The following DIAPH2 variants were observed in gnomAD, a reference collection of about 807,000 sequenced individuals.
DIAPH2 encodes protein diaphanous homolog 2.
In DIAPH2, 35 loss-of-function variants were observed where a neutral mutation model predicts 92.7. The ratio of observed to expected loss-of-function variants is 0.38; its 90% CI spans 0.29 to 0.50. DIAPH2 has a LOEUF of 0.50. DIAPH2 is among the 20% of genes least tolerant of loss of function. DIAPH2 has a pLI of 0.94. For synonymous variants in DIAPH2, 301 were observed against 280.4 expected, an observed-to-expected ratio of 1.07 and a Z score of -0.73; for missense variants, 701 against 819.5, an observed-to-expected ratio of 0.86 and a Z score of 1.77.
At chrX:97,557,318 C>A (rs2071264362) in intron 26 of DIAPH2, among the ~76,000 whole-genome samples, 1 of 111,684 alleles carries the variant, frequency 9.0e-6, no homozygotes, top group Non-Finnish European at 1.9e-5. Flanking sequence ...GTGGGCAGAT[C>A]ACCTGAGGTC....
Position 96,798,044 on chromosome X carries a change from G to A in DIAPH2, c.447+39786G>A, listed in dbSNP as rs543431530. On this transcript the variant is annotated intron_variant, in intron 4 of 26. Transcript: ENST00000324765. ...GTGGTACATTTGGCTCTCCATATCT[G>A]CGGGTTTTGATCTGTAGTTGGTTGA... 1.2e-4 allele frequency among the ~76,000 whole-genome samples: 13 copies of A among 112,414 alleles called. No homozygotes were observed. The South Asian group carries it at 3.7e-3, about 32-fold the overall frequency.
chrX:97,386,615 C>A (rs1295227460), intron 25 of DIAPH2, among the ~76,000 whole-genome samples: 4 of 108,785 alleles, frequency 3.7e-5, no homozygotes, highest in Non-Finnish European at 7.6e-5. Flanking sequence ...TTGCAGTGAG[C>A]CGAGATCTCA....
At chrX:97,031,506 C>G (rs1277150337) in intron 17 of DIAPH2, among the ~76,000 whole-genome samples, 1 of 111,465 alleles carries the variant, frequency 9.0e-6, no homozygotes, top group Admixed American at 9.6e-5. Context: ...AAGCATCATT[C>G]CATCAAGGGA....
intron 25 of DIAPH2, among the ~76,000 whole-genome samples, chrX:97,414,653 CAAA>C (rs56828730): frequency 5.3e-5 from 2 of 37,760 alleles, no homozygotes; most frequent in Non-Finnish European, 5.3e-5. Context: ...GACTCTGTCT[CAAA>C]AAAAAAAAAA....
chrX:96,965,538 G>A (rs2065889176), intron 17 of DIAPH2, among the ~76,000 whole-genome samples: 1 of 111,349 alleles, frequency 9.0e-6, no homozygotes, highest in African/African-American at 3.2e-5. Context: ...CATCATGTAA[G>A]AGAAAATAAT....
At chrX:96,715,758 C>T (rs369796999) in intron 1 of DIAPH2, among the ~76,000 whole-genome samples, 7 of 111,054 alleles carry the variant, frequency 6.3e-5, no homozygotes, top group Non-Finnish European at 1.1e-4. Context: ...TGATGAGAAA[C>T]GATTAGGGTT....
chrX:96,886,460 CT>C (rs2065263022), intron 5 of DIAPH2, among the ~76,000 whole-genome samples: 1 of 110,689 alleles, frequency 9.0e-6, no homozygotes, highest in Admixed American at 9.7e-5. Context: ...AGAAAATGGC[CT>C]GTGTCAGTGG....
At chrX:97,019,442 A>G (rs756224672) in intron 17 of DIAPH2, among the ~76,000 whole-genome samples, 8 of 111,141 alleles carry the variant, frequency 7.2e-5, no homozygotes, top group South Asian at 7.7e-4. Flanking sequence ...ATGATAATAT[A>G]GTAAGTACTT....
chrX:96,791,681 G>A (rs1244073640), intron 4 of DIAPH2, among the ~76,000 whole-genome samples: 1 of 111,097 alleles, frequency 9.0e-6, no homozygotes, highest in Admixed American at 9.6e-5. Context: ...TTAAGTAGAA[G>A]AGGGATGATG....
chrX:96,845,096 A>AT (rs960891177), intron 4 of DIAPH2, among the ~76,000 whole-genome samples: 2 of 111,824 alleles, frequency 1.8e-5, no homozygotes, highest in African/African-American at 6.5e-5. Flanking sequence ...TTATAGAAAG[A>AT]TTTTGTCTTC....
At chrX:96,832,469 G>A (rs182218530) in intron 4 of DIAPH2, among the ~76,000 whole-genome samples, 4 of 110,760 alleles carry the variant, frequency 3.6e-5, no homozygotes, top group Non-Finnish European at 7.6e-5. Context: ...AGTACAGAGA[G>A]GGGCTCCTAA....
At chrX:97,045,202 A>G (rs1243393796) in intron 17 of DIAPH2, among the ~76,000 whole-genome samples, 2 of 112,276 alleles carry the variant, frequency 1.8e-5, no homozygotes, top group Non-Finnish European at 3.8e-5. Flanking sequence ...ACTCCTAATT[A>G]TTTGGCCTAA....
intron 23 of DIAPH2, among the ~76,000 whole-genome samples, chrX:97,316,304 T>C (rs1451917985): frequency 9.0e-6 from 1 of 110,808 alleles, no homozygotes; most frequent in African/African-American, 3.3e-5. Flanking sequence ...GTTCTTTCTC[T>C]TCTCACTTTC....
At chrX:96,899,722 C>T (rs1286116659) in intron 5 of DIAPH2, among the ~76,000 whole-genome samples, 2 of 109,816 alleles carry the variant, frequency 1.8e-5, no homozygotes, top group Non-Finnish European at 1.9e-5. Context: ...CCTTTATTTC[C>T]TTCTCCTGCC....
chrX:96,951,627 A>G (rs2065775893), intron 15 of DIAPH2, among the ~76,000 whole-genome samples: 1 of 111,598 alleles, frequency 9.0e-6, no homozygotes, highest in South Asian at 3.7e-4. Flanking sequence ...ACAGGGCTGT[A>G]TACTTTCTAG....
chrX:97,499,341 C>A (rs2070779596), intron 26 of DIAPH2, among the ~76,000 whole-genome samples: 1 of 111,997 alleles, frequency 8.9e-6, no homozygotes, highest in African/African-American at 3.2e-5. Context: ...GCTAAGCTTA[C>A]AGTTGTGATA....
chrX:96,939,444 A>G, intron 12 of DIAPH2, 62 bp downstream of exon 12: 5 of 442,310 alleles, frequency 1.1e-5, no homozygotes, highest in South Asian at 6.6e-5. Flanking sequence ...AGGAAAATGA[A>G]CAATGTAGTG....
chrX:96,728,398 C>T (rs146811548), intron 1 of DIAPH2, among the ~76,000 whole-genome samples: 2,638 of 110,360 alleles, frequency 0.024, 40 homozygotes, highest in Middle Eastern at 0.051. Flanking sequence ...TTAGTAGAGA[C>T]GGGGGTTTCA....
chrX:97,548,922 A>G (rs1158004216), intron 26 of DIAPH2, among the ~76,000 whole-genome samples: 1 of 112,341 alleles, frequency 8.9e-6, no homozygotes, highest in Non-Finnish European at 1.9e-5. Flanking sequence ...TTACTTTTAA[A>G]AGAGAGTGTA....
Sources: gnomAD v4.1 joint callset for allele counts (sites outside exome capture counted in the v4.1 genomes callset) on GRCh38, gnomAD v4.1.1 for gene constraint, MANE v1.5 for transcripts, NCBI Gene and HGNC (gene_info 2026-07-23, HGNC 2026-07-21) for gene names.